The following BANK1 variants were observed in gnomAD, a reference collection of about 807,000 sequenced individuals.
The protein encoded by BANK1 is B-cell scaffold protein with ankyrin repeats.
A neutral mutation model predicts 94.5 loss-of-function variants in BANK1; 95 were observed. The observed-to-expected ratio is 1.00, with a 90% CI of 0.85 to 1.19. The LOEUF (loss-of-function observed/expected upper bound fraction) is 1.19. BANK1 is among the 50% of genes most tolerant of loss of function. The probability of loss-of-function intolerance (pLI) is 0.00; values close to 1 mark genes in which losing one functional copy is unlikely to be tolerated. For synonymous variants in BANK1, 334 were observed against 308.4 expected (o/e 1.08, Z -0.87); for missense variants, 987 against 932.2 (o/e 1.06, Z -0.77).
At chr4:101,907,883 C>G (rs1178303729) in intron 6 of BANK1, among the ~76,000 whole-genome samples, 1 of 152,150 alleles carries the variant, frequency 6.6e-6, no homozygotes, top group Non-Finnish European at 1.5e-5. Context: ...GAACTACAAA[C>G]CACTGCTCAA....
At chr4:102,052,113 CTTTTTTTTTTTTTTTTTT>C (rs199811166) in intron 11 of BANK1, among the ~76,000 whole-genome samples, 26,456 of 105,832 alleles carry the variant, frequency 0.25, 2,740 homozygotes, top group East Asian at 0.38. Flanking sequence ...TTCTTTTTTT[CTTTTTTTTTTTTTTTTTT>C]TTTTTGAGAC....
intron 7 of BANK1, among the ~76,000 whole-genome samples, chr4:101,950,060 T>TGTGTGCGCGCGC (rs369393040): frequency 3.6e-5 from 5 of 139,404 alleles, no homozygotes; most frequent in African/African-American, 1.6e-4. Flanking sequence ...TGTGTGTGTG[T>TGTGTGCGCGCGC]GCGCGTGCGC....
At chr4:101,958,597 T>A (rs1399028848) in intron 7 of BANK1, among the ~76,000 whole-genome samples, 2 of 152,130 alleles carry the variant, frequency 1.3e-5, no homozygotes, top group Non-Finnish European at 2.9e-5. Context: ...CTTCATCATT[T>A]CCTTAAAACA....
At chr4:102,048,455 A>G (rs1233910115) in intron 11 of BANK1, among the ~76,000 whole-genome samples, 8 of 152,182 alleles carry the variant, frequency 5.3e-5, no homozygotes, top group Non-Finnish European at 8.8e-5. Flanking sequence ...GTAACATACT[A>G]TGCAATGAAA....
chr4:101,830,289 C>A, intron 2 of BANK1, 83 bp downstream of exon 2: 1 of 1,142,872 alleles, frequency 8.7e-7, no homozygotes, highest in Non-Finnish European at 1.2e-6. Context: ...GTTTTAGAAC[C>A]AATAACTGGT....
chr4:101,835,815 GCCAT>G (rs1283435741), intron 2 of BANK1, among the ~76,000 whole-genome samples: 1 of 152,144 alleles, frequency 6.6e-6, no homozygotes, highest in Non-Finnish European at 1.5e-5. Context: ...GGGTGTCCAG[GCCAT>G]TTCTGTCACC....
intron 4 of BANK1, among the ~76,000 whole-genome samples, chr4:101,864,008 T>C (rs957568109): frequency 2.6e-5 from 4 of 152,236 alleles, no homozygotes; most frequent in African/African-American, 9.6e-5. Flanking sequence ...GAATAAAACA[T>C]GTCAAAGTTC....
chr4:101,893,655 G>C (rs1440264666), intron 5 of BANK1, among the ~76,000 whole-genome samples: 2 of 152,074 alleles, frequency 1.3e-5, no homozygotes, highest in East Asian at 3.9e-4. Context: ...GCTTCCTGAA[G>C]AGATTAAAAC....
At chr4:102,041,063 G>A (rs1052857430) in intron 10 of BANK1, among the ~76,000 whole-genome samples, 2 of 151,952 alleles carry the variant, frequency 1.3e-5, no homozygotes, top group South Asian at 4.1e-4. Context: ...CACAACTCTT[G>A]CTTTACAAAA....
Position 102,050,853 on chromosome 4 carries a change from T to C in BANK1, c.1969+6946T>C, listed in dbSNP as rs188103501. Among the ~76,000 whole-genome samples, 348 of 152,292 alleles carry C rather than the reference T, an allele frequency of 2.3e-3. 1 individual carries two copies. The highest frequency in any genetic ancestry group is 7.3e-3 in the African/African-American group (302 of 41,560). On this transcript the variant is annotated intron_variant, in intron 11 of 16. Transcript: ENST00000322953. ...TTTTTGCTAATGAAAACTATTCAAATGTATTTAATAAGCAGGTACTAAATA... is the reference window on the plus strand; with the variant it reads ...TTTTTGCTAATGAAAACTATTCAAACGTATTTAATAAGCAGGTACTAAATA...
Position 101,790,925 on chromosome 4 carries a change from CG to C in BANK1, c.46del (p.Ala16ProfsTer14). 6.5e-7 allele frequency: 1 copy of C among 1,532,030 alleles called. No individual in the cohort carries two copies. Among genetic ancestry groups the C allele is most frequent in the Non-Finnish European group, 8.7e-7 (1 of 1,144,774 alleles). 94.9% of individuals were successfully genotyped at this position (1,532,030 alleles called of 1,614,324 possible). On this transcript the variant is annotated frameshift_variant, in exon 1 of 17. Transcript: ENST00000322953. LOFTEE classifies it high-confidence loss of function. ...GCAAGGGGCTTGGGAGCCCGGACCC[CG>C]CCCCCTGCGGCCCAGCGCCCCCAGG... ...PGKGLGSPDP[A>X]PCGPAPPGNT...
chr4:102,014,308 G>T (rs962542408), intron 7 of BANK1, among the ~76,000 whole-genome samples: 1 of 152,038 alleles, frequency 6.6e-6, no homozygotes, highest in African/African-American at 2.4e-5. Flanking sequence ...TTTGCTCTTT[G>T]CCATTTGCAT....
chr4:101,835,704 T>C (rs1453473101), intron 2 of BANK1, among the ~76,000 whole-genome samples: 2 of 152,218 alleles, frequency 1.3e-5, no homozygotes, highest in African/African-American at 2.4e-5. Context: ...TCTGACTCAC[T>C]GGACCTTCCT....
At chr4:101,974,468 A>G (rs563120903) in intron 7 of BANK1, among the ~76,000 whole-genome samples, 1 of 152,296 alleles carries the variant, frequency 6.6e-6, no homozygotes, top group Non-Finnish European at 1.5e-5. Context: ...AGTTTATCTC[A>G]TGTCATCACT....
chr4:101,825,275 T>G (rs1726320300), intron 1 of BANK1, among the ~76,000 whole-genome samples: 1 of 152,090 alleles, frequency 6.6e-6, no homozygotes, highest in Admixed American at 6.6e-5. Context: ...TAACCCTCCT[T>G]AAATGGGGAG....
intron 7 of BANK1, among the ~76,000 whole-genome samples, chr4:102,013,379 G>A (rs1369054124): frequency 6.6e-6 from 1 of 152,012 alleles, no homozygotes; most frequent in Non-Finnish European, 1.5e-5. Flanking sequence ...TAGTTTTAAT[G>A]TTAGCCTAAA....
At chr4:102,021,642 A>T in intron 8 of BANK1, 50 bp downstream of exon 8, 3 of 743,896 alleles carry the variant, frequency 4.0e-6, no homozygotes, top group Non-Finnish European at 5.9e-6. Context: ...TATATATATC[A>T]CATATATATG....
At chr4:102,043,817 A>G in intron 10 of BANK1, 22 bp from the exon 11 acceptor site, 1 of 1,524,080 alleles carries the variant, frequency 6.6e-7, no homozygotes, top group Non-Finnish European at 9.0e-7. Context: ...TCAGTAAATA[A>G]TATGTTCTAT....
chr4:101,935,190 G>A (rs1222462788), intron 7 of BANK1, among the ~76,000 whole-genome samples: 1 of 151,404 alleles, frequency 6.6e-6, no homozygotes, highest in Non-Finnish European at 1.5e-5. Flanking sequence ...TTTTATAGTT[G>A]AAGAAAGCAG....
Sources: gnomAD v4.1 joint callset for allele counts (sites outside exome capture counted in the v4.1 genomes callset) on GRCh38, gnomAD v4.1.1 for gene constraint, MANE v1.5 for transcripts, NCBI Gene and HGNC (gene_info 2026-07-23, HGNC 2026-07-21) for gene names.